Variants in ASB15 observed in about 807,000 individuals in gnomAD.
ASB15 encodes the protein ankyrin repeat and SOCS box containing 15, also known as ankyrin repeat and SOCS box protein 15.
A neutral mutation model predicts 58.0 loss-of-function variants in ASB15; 54 were observed. The ratio of observed to expected loss-of-function variants is 0.93; its 90% CI spans 0.75 to 1.17. ASB15 has a LOEUF of 1.17. Ranked by LOEUF, ASB15 falls within the 50% of genes most tolerant of loss-of-function variation. ASB15 has a pLI of 0.00. For synonymous variants in ASB15, 249 were observed against 262.4 expected (o/e 0.95, Z 0.50); for missense variants, 680 against 707.4 (o/e 0.96, Z 0.44).
At chr7:123,597,952 G>GTGTGTGTGTT (rs1554387425), upstream of ASB15, among the ~76,000 whole-genome samples, 3 of 151,690 alleles carry the variant, frequency 2.0e-5, no homozygotes, top group African/African-American at 7.3e-5. Flanking sequence ...GTGTGTGTGT[G>GTGTGTGTGTT]TGTGTGTGTC....
rs1362051441 is a variant in ASB15, at chr7:123,576,331, TTG to T, written c.-443+9247_-443+9248del. Reference sequence around the variant, plus strand: ...TTTTTACTCTTTTTTATATATGAAGTTGTGTTTTTTGTTGTTGTTGTTTTAAT... The same window carrying T: ...TTTTTACTCTTTTTTATATATGAAGTTGTTTTTTGTTGTTGTTGTTTTAAT... On this transcript the variant is annotated intron_variant, in intron 1 of 13. Transcript: ENST00000451558. Among the ~76,000 whole-genome samples, 3 of 151,908 alleles carry T rather than the reference TTG, an allele frequency of 2.0e-5. No individual in the cohort carries two copies. The East Asian group carries it at 5.8e-4, about 29-fold the overall frequency.
chr7:123,604,238 C>T (rs188780997), intron 2 of ASB15, 26 bp downstream of exon 2: 6 of 152,066 alleles, frequency 3.9e-5, no homozygotes, highest in African/African-American at 1.2e-4. Context: ...ACATTATCTT[C>T]AGATAATGTT....
intron 1 of ASB15, among the ~76,000 whole-genome samples, chr7:123,567,663 A>T (rs904369489): frequency 1.3e-5 from 2 of 152,254 alleles, no homozygotes; most frequent in Admixed American, 6.5e-5. Context: ...ACAGGAAGAA[A>T]GCATCTCAAT....
chr7:123,627,251 T>C lies in ASB15; in HGVS notation c.839T>C (p.Ile280Thr), dbSNP rs1246661066. The change falls in exon 9 of 12, where the codon ATA becomes ACA. Residue 280 changes from isoleucine to threonine, a missense_variant. By Grantham distance (89) the Ile-to-Thr change is moderately conservative. Coordinates refer to ENST00000451215, the MANE Select transcript of ASB15 (RefSeq NM_001290258.2). The part of the protein sequence containing the change: ...NVPNRAGHLP[I>T]HRAAYEGHYL... Reference sequence around the variant, plus strand: ...CCTAACCGAGCAGGACATCTTCCTATACACCGAGCTGCCTATGAGGGGCAT... The same window carrying C: ...CCTAACCGAGCAGGACATCTTCCTACACACCGAGCTGCCTATGAGGGGCAT... The C allele has an allele frequency of 1.2e-6, 2 of 1,613,866 alleles. No individual in the cohort carries two copies. Among genetic ancestry groups the C allele is most frequent in the East Asian group, 2.2e-5 (1 of 44,872 alleles).
intron 3 of ASB15, among the ~76,000 whole-genome samples, chr7:123,613,009 G>A (rs1232308608): frequency 6.6e-6 from 1 of 151,852 alleles, no homozygotes; most frequent in Non-Finnish European, 1.5e-5. Flanking sequence ...ATACCACAGT[G>A]TCAGGGAACA....
At chr7:123,577,822 A>C (rs1223727195) in intron 1 of ASB15, among the ~76,000 whole-genome samples, 1 of 152,138 alleles carries the variant, frequency 6.6e-6, no homozygotes, top group Non-Finnish European at 1.5e-5. Flanking sequence ...AAGACATTCT[A>C]GACATCATGT....
intron 7 of ASB15, 148 bp downstream of exon 7, chr7:123,617,885 A>G (rs1800933249): frequency 1.3e-6 from 1 of 799,400 alleles, no homozygotes; most frequent in Admixed American, 2.9e-5. Flanking sequence ...CTGTCCTGTG[A>G]TTTTGTTTTC....
intron 8 of ASB15, 123 bp downstream of exon 8, chr7:123,624,937 A>C: frequency 8.0e-7 from 1 of 1,255,802 alleles, no homozygotes. Context: ...TGCTGAATGG[A>C]ACTTGGCATC....
intron 7 of ASB15, among the ~76,000 whole-genome samples, chr7:123,619,171 C>T (rs1486654005): frequency 2.7e-5 from 3 of 111,556 alleles, no homozygotes; most frequent in Non-Finnish European, 5.2e-5. Context: ...CAGAGAGAGA[C>T]GCCGTCTCAA....
At chr7:123,631,556 T>C (rs1802117406) in intron 11 of ASB15, among the ~76,000 whole-genome samples, 1 of 152,230 alleles carries the variant, frequency 6.6e-6, no homozygotes, top group African/African-American at 2.4e-5. Context: ...GTTCCCTTCC[T>C]GGACTTAAGC....
chr7:123,619,744 C>T (rs1247843107), intron 7 of ASB15, among the ~76,000 whole-genome samples: 1 of 152,042 alleles, frequency 6.6e-6, no homozygotes, highest in Non-Finnish European at 1.5e-5. Context: ...AGGATGGTCT[C>T]GATCTCCTGA....
intron 2 of ASB15, among the ~76,000 whole-genome samples, chr7:123,605,303 A>T (rs1800090809): frequency 6.6e-6 from 1 of 152,212 alleles, no homozygotes. Flanking sequence ...ACCATCTCAC[A>T]CACCAGTCAG....
chr7:123,625,067 C>A (rs983113326), intron 8 of ASB15: 3 of 450,658 alleles, frequency 6.7e-6, no homozygotes, highest in Non-Finnish European at 1.2e-5. Context: ...ACAGTTCAAT[C>A]TGCACATAGA....
At chr7:123,577,902 A>T (rs1017349834) in intron 1 of ASB15, among the ~76,000 whole-genome samples, 3 of 151,954 alleles carry the variant, frequency 2.0e-5, no homozygotes, top group South Asian at 2.1e-4. Context: ...TTACTTTTTT[A>T]AAAATTATAC....
At chr7:123,577,537 T>G (rs182525596) in intron 1 of ASB15, among the ~76,000 whole-genome samples, 1 of 152,310 alleles carries the variant, frequency 6.6e-6, no homozygotes, top group East Asian at 1.9e-4. Context: ...TTGTCATACC[T>G]TATTTAACAT....
chr7:123,575,657 C>A (rs184746725), intron 1 of ASB15, among the ~76,000 whole-genome samples: 1 of 151,982 alleles, frequency 6.6e-6, no homozygotes. Context: ...ATGTTTGTAA[C>A]CTTTATCTTT....
At chr7:123,612,565 C>T (rs1051723031) in intron 3 of ASB15, among the ~76,000 whole-genome samples, 6 of 152,022 alleles carry the variant, frequency 3.9e-5, no homozygotes, top group Non-Finnish European at 8.8e-5. Flanking sequence ...CCAGCCTTAA[C>T]ACAGTGCGAG....
upstream of ASB15, among the ~76,000 whole-genome samples, chr7:123,598,213 G>T (rs1465224793): frequency 2.0e-5 from 3 of 151,980 alleles, no homozygotes; most frequent in Non-Finnish European, 4.4e-5. Flanking sequence ...TTTATATCTA[G>T]ACTATAAGTC....
At position 123,629,041 on chromosome 7, in the gene ASB15, G is replaced by C; in HGVS notation, c.1047G>C (p.Glu349Asp). ...ADHISQSYDD[E>D]RKTALYFGVS... Reference sequence around the variant, plus strand: ...ACATTTCCCAGAGCTATGACGATGAGAGGAAGACTGCGCTGTATTTTGGCG... The same window carrying C: ...ACATTTCCCAGAGCTATGACGATGACAGGAAGACTGCGCTGTATTTTGGCG... Residue 349 changes from glutamate (E) to aspartate (D), a missense_variant, in exon 10 of 12, where the codon GAG (glutamate) becomes GAC (aspartate). Coordinates refer to ENST00000451215, the MANE Select transcript of ASB15 (RefSeq NM_001290258.2). The C allele has an allele frequency of 6.2e-7, 1 of 1,613,836 alleles. No homozygotes were observed. Among genetic ancestry groups the C allele is most frequent in the Non-Finnish European group, 8.5e-7 (1 of 1,179,888 alleles).
Sources: gnomAD v4.1 joint callset for allele counts (sites outside exome capture counted in the v4.1 genomes callset) on GRCh38, gnomAD v4.1.1 for gene constraint, MANE v1.5 for transcripts, NCBI Gene and HGNC (gene_info 2026-07-23, HGNC 2026-07-21) for gene names.